The following PLEKHH2 variants were observed in gnomAD, a reference collection of about 807,000 sequenced individuals.
PLEKHH2 encodes the protein pleckstrin homology, MyTH4 and FERM domain containing H2.
A neutral mutation model predicts 187.9 loss-of-function variants in PLEKHH2; 129 were observed. The ratio of observed to expected loss-of-function variants is 0.69; its 90% CI spans 0.59 to 0.79. The LOEUF is 0.79. Among genes scored for constraint, PLEKHH2 ranks in the 30% least tolerant of loss-of-function variants. PLEKHH2 has a pLI of 0.00. For missense variants in PLEKHH2, 2,076 were observed against 1,751.2 expected (o/e 1.19, Z -3.31); for synonymous variants, 686 against 605.6 (o/e 1.13, Z -1.95).
At chr2:43,685,856 T>A (rs1258797493) in intron 3 of PLEKHH2, among the ~76,000 whole-genome samples, 1 of 152,222 alleles carries the variant, frequency 6.6e-6, no homozygotes, top group South Asian at 2.1e-4. Context: ...AAGAGCATAT[T>A]TGGAAAATAC....
Position 43,707,526 on chromosome 2 carries a change from C to A in PLEKHH2, c.1947C>A (p.Ser649Arg), listed in dbSNP as rs746837256. ...SDSRSRSGPG[S>R]PRAMKRGVSL... ...CACGCAGTAGGAGTGGGCCAGGCAGCCCCAGAGCCATGAAACGAGGTGAGG... is the reference window on the plus strand; with the variant it reads ...CACGCAGTAGGAGTGGGCCAGGCAGACCCAGAGCCATGAAACGAGGTGAGG... The change falls in exon 11 of 30, where the codon AGC (serine) becomes AGA (arginine). Residue 649 changes from serine (S) to arginine (R), a missense_variant. Coordinates refer to ENST00000282406, the MANE Select transcript of PLEKHH2 (RefSeq NM_172069.4). 1.2e-5 allele frequency: 20 copies of A among 1,613,716 alleles called. No homozygotes were observed. The South Asian group carries it at 2.2e-4, about 18-fold the overall frequency.
At chr2:43,719,868 C>G (rs1231629755) in intron 15 of PLEKHH2, among the ~76,000 whole-genome samples, 2 of 151,550 alleles carry the variant, frequency 1.3e-5, no homozygotes, top group Non-Finnish European at 2.9e-5. Context: ...TTAATGCATT[C>G]ATGGGGTACA....
intron 9 of PLEKHH2, among the ~76,000 whole-genome samples, chr2:43,704,950 CTG>C (rs1227466817): frequency 3.3e-5 from 5 of 152,230 alleles, no homozygotes; most frequent in East Asian, 1.9e-4. Flanking sequence ...ATCAGAGAAA[CTG>C]TGGCATTTCA....
chr2:43,714,704 C>T (rs1039636141), intron 15 of PLEKHH2, among the ~76,000 whole-genome samples: 4 of 152,056 alleles, frequency 2.6e-5, no homozygotes, highest in Admixed American at 6.6e-5. Context: ...CTTTAAAAAA[C>T]GAAAATGTAT....
At position 43,695,042 on chromosome 2, in the gene PLEKHH2, T is replaced by C. The variant is rs114160011; in HGVS notation, c.421-101T>C. Reference sequence around the variant, plus strand: ...ATTTCCTTTGTATTTTGCTTACACATGTAGAGAAACTAAATATTAACATTT... The same window carrying C: ...ATTTCCTTTGTATTTTGCTTACACACGTAGAGAAACTAAATATTAACATTT... On this transcript the variant is annotated intron_variant, in intron 5 of 29. Transcript: ENST00000282406. 863 of 567,520 alleles carry C rather than the reference T, an allele frequency of 1.5e-3. 9 individuals are homozygous for C. Among genetic ancestry groups the C allele is most frequent in the African/African-American group, 0.015 (775 of 52,482 alleles). 35.2% of individuals were successfully genotyped at this position (567,520 alleles called of 1,614,324 possible).
intron 1 of PLEKHH2, among the ~76,000 whole-genome samples, chr2:43,637,593 A>G (rs1000910082): frequency 6.6e-6 from 1 of 152,138 alleles, no homozygotes; most frequent in Non-Finnish European, 1.5e-5. Flanking sequence ...CCAAGTCTGG[A>G]TGTCGCCGGG....
chr2:43,729,703 GAAC>G lies in PLEKHH2; in HGVS notation c.2792_2794del (p.Gln931del), dbSNP rs1670945252. On this transcript the variant is annotated inframe_deletion, in exon 18 of 30. Coordinates refer to ENST00000282406, the MANE Select transcript of PLEKHH2 (RefSeq NM_172069.4). ...CAATGTAAACGTTGGATCTGAATTTGAACAACTGGTTTGCAAATTGCTAAATAT... is the reference window on the plus strand; with the variant it reads ...CAATGTAAACGTTGGATCTGAATTTGAACTGGTTTGCAAATTGCTAAATAT... The G allele has an allele frequency of 6.2e-7, 1 of 1,608,994 alleles. No individual in the cohort carries two copies. Among genetic ancestry groups the G allele is most frequent in the Non-Finnish European group, 8.5e-7 (1 of 1,178,324 alleles).
chr2:43,704,737 G>A (rs371784248), intron 9 of PLEKHH2, among the ~76,000 whole-genome samples: 1 of 142,502 alleles, frequency 7.0e-6, no homozygotes, highest in East Asian at 2.1e-4. Flanking sequence ...AATAAAAAAA[G>A]TTTAGAAAAG....
intron 17 of PLEKHH2, 60 bp from the exon 18 acceptor site, chr2:43,729,577 T>G: frequency 1.7e-6 from 2 of 1,196,026 alleles, no homozygotes; most frequent in Non-Finnish European, 2.3e-6. Context: ...ATGCAAGTTG[T>G]TTTTTTTTCT....
intron 3 of PLEKHH2, chr2:43,692,264 C>A: frequency 3.6e-6 from 1 of 279,610 alleles, no homozygotes; most frequent in Non-Finnish European, 6.7e-6. Context: ...CTCTAGGAAA[C>A]ATGTACATTA....
intron 3 of PLEKHH2, among the ~76,000 whole-genome samples, chr2:43,688,140 C>T (rs570582602): frequency 6.6e-6 from 1 of 152,200 alleles, no homozygotes; most frequent in Admixed American, 6.5e-5. Flanking sequence ...TGTCCTTTGC[C>T]CATAGCTTCT....
chr2:43,753,862 C>G, intron 25 of PLEKHH2, 102 bp downstream of exon 25: 1 of 1,054,758 alleles, frequency 9.5e-7, no homozygotes, highest in Non-Finnish European at 1.3e-6. Flanking sequence ...TCTTTACATT[C>G]GTTTTGCTAC....
rs144192788 is a variant in PLEKHH2 at position 43,719,464 on chromosome 2, G to A, written c.2461-1205G>A. The stretch of plus-strand genomic sequence containing the variant: ...CTCACTTCTTTTTTGTTTTTGAGAC[G>A]GAGCCTGCTCTGTCGCCCAGGCTGG... On this transcript the variant is annotated intron_variant, in intron 15 of 29. Coordinates refer to ENST00000282406, the MANE Select transcript of PLEKHH2 (RefSeq NM_172069.4). 3.0e-3 allele frequency among the ~76,000 whole-genome samples: 453 copies of A among 152,004 alleles called. 5 individuals carry two copies. Among genetic ancestry groups the A allele is most frequent in the Middle Eastern group, 6.8e-3 (2 of 294 alleles).
At chr2:43,709,100 C>T (rs1471764352) in intron 11 of PLEKHH2, among the ~76,000 whole-genome samples, 3 of 152,154 alleles carry the variant, frequency 2.0e-5, no homozygotes, top group Non-Finnish European at 4.4e-5. Context: ...AGGTAGTTTT[C>T]TGTAAAGGCA....
intron 11 of PLEKHH2, among the ~76,000 whole-genome samples, chr2:43,708,541 C>G (rs1267862842): frequency 6.6e-6 from 1 of 152,236 alleles, no homozygotes; most frequent in Non-Finnish European, 1.5e-5. Context: ...AGCCCTTTGT[C>G]TTTCTTCTGT....
At chr2:43,669,286 A>G (rs186500932) in intron 2 of PLEKHH2, among the ~76,000 whole-genome samples, 57 of 152,326 alleles carry the variant, frequency 3.7e-4, no homozygotes, top group Admixed American at 3.7e-3. Context: ...AGCCTCACTC[A>G]TACTTAAAGA....
Position 43,644,795 on chromosome 2 carries a change from A to G in PLEKHH2, c.122A>G (p.Lys41Arg). ...ASKIRELLAE[K>R]MQQLERQVID... ...AAGATACGAGAGCTTTTAGCAGAGA[A>G]GGTAAGCTTTCTCCCTAAGCTTTGT... The change falls in exon 2 of 30, where the codon AAG becomes AGG. Residue 41 changes from lysine (K) to arginine (R), a missense_variant and splice_region_variant. Lys to Arg is a conservative substitution (Grantham distance 26). Transcript: ENST00000282406. The G allele has an allele frequency of 2.5e-6, 4 of 1,603,476 alleles. No individual in the cohort carries two copies. Among genetic ancestry groups the G allele is most frequent in the Non-Finnish European group, 3.4e-6 (4 of 1,174,744 alleles).
intron 14 of PLEKHH2, chr2:43,711,224 C>T (rs1669949479): frequency 1.0e-6 from 1 of 985,446 alleles, no homozygotes; most frequent in South Asian, 4.7e-5. Flanking sequence ...TCTTATATTG[C>T]TCCTTTGGAG....
rs1256861268 is a variant in PLEKHH2 at position 43,767,231 on chromosome 2, T to G, written c.*1633T>G. On this transcript the variant is annotated 3_prime_UTR_variant, in exon 30 of 30. Coordinates refer to ENST00000282406, the MANE Select transcript of PLEKHH2 (RefSeq NM_172069.4). ...ATTTGAGAAATGTTAGCTGCTGAAT[T>G]AATTTGTTGCCCGAGCCTTCATATT... 1 of 152,336 alleles carries G rather than the reference T, an allele frequency of 6.6e-6. No individual in the cohort carries two copies. The highest frequency in any genetic ancestry group is 2.4e-5 in the African/African-American group (1 of 41,444). 9.4% of individuals were successfully genotyped at this position (152,336 alleles called of 1,614,324 possible). A position where few individuals can be genotyped will look rare whatever the true frequency, so the allele number is the denominator to read the frequency against.
Sources: allele counts gnomAD v4.1 joint callset (sites outside exome capture counted in the v4.1 genomes callset), GRCh38; gene constraint gnomAD v4.1.1; transcripts MANE v1.5; gene names NCBI Gene and HGNC (gene_info 2026-07-23, HGNC 2026-07-21).